The following SLC35F3 variants were observed in gnomAD, a reference collection of about 807,000 sequenced individuals.
SLC35F3 encodes putative thiamine transporter SLC35F3.
A neutral mutation model predicts 49.9 loss-of-function variants in SLC35F3; 25 were observed. The ratio of observed to expected loss-of-function variants is 0.50; its 90% confidence interval spans 0.37 to 0.70. The LOEUF is 0.70. Among genes scored for constraint, SLC35F3 ranks in the 30% least tolerant of loss-of-function variants. SLC35F3 has a pLI of 0.00. For missense variants in SLC35F3, 525 were observed against 639.8 expected, an observed-to-expected ratio of 0.82 and a Z score of 1.94; for synonymous variants, 275 against 265.4, an observed-to-expected ratio of 1.04 and a Z score of -0.35.
At chr1:234,151,585 C>T (rs1250959446) in intron 2 of SLC35F3, among the ~76,000 whole-genome samples, 2 of 149,898 alleles carry the variant, frequency 1.3e-5, no homozygotes, top group African/African-American at 4.9e-5. Context: ...GGAAAGAGTT[C>T]AAAATAAAAG....
intron 2 of SLC35F3, among the ~76,000 whole-genome samples, chr1:234,207,388 A>ATCCT (rs1666986200): frequency 2.4e-4 from 1 of 4,232 alleles, no homozygotes; most frequent in Non-Finnish European, 5.3e-4. Context: ...TTTTCCTTCC[A>ATCCT]TCCTTCCTTC....
At chr1:234,239,741 TGGG>T (rs1667525524) in intron 3 of SLC35F3, among the ~76,000 whole-genome samples, 2 of 152,232 alleles carry the variant, frequency 1.3e-5, no homozygotes, top group African/African-American at 2.4e-5. Flanking sequence ...TAGCCCATGC[TGGG>T]ACATTGTGAT....
At chr1:234,037,843 A>C (rs569195175) in intron 2 of SLC35F3, among the ~76,000 whole-genome samples, 21 of 152,296 alleles carry the variant, frequency 1.4e-4, no homozygotes, top group African/African-American at 4.8e-4. Context: ...ACAAGAAGGA[A>C]GCCCCTTTGC....
At chr1:233,975,925 G>A (rs538764664) in intron 2 of SLC35F3, among the ~76,000 whole-genome samples, 9 of 152,306 alleles carry the variant, frequency 5.9e-5, no homozygotes, top group South Asian at 2.1e-4. Context: ...GTGTACACAC[G>A]TATGGTGTGT....
At chr1:234,037,442 A>T (rs973568405) in intron 2 of SLC35F3, among the ~76,000 whole-genome samples, 1 of 152,226 alleles carries the variant, frequency 6.6e-6, no homozygotes, top group African/African-American at 2.4e-5. Context: ...TCACATTTTA[A>T]CATGAGATTT....
intron 3 of SLC35F3, among the ~76,000 whole-genome samples, chr1:234,304,518 A>G (rs1221647027): frequency 6.6e-6 from 1 of 152,170 alleles, no homozygotes; most frequent in Non-Finnish European, 1.5e-5. Flanking sequence ...TAGATACAAT[A>G]TCTTCTCTTA....
chr1:234,241,314 C>T (rs374324125), intron 3 of SLC35F3, among the ~76,000 whole-genome samples: 61 of 152,270 alleles, frequency 4.0e-4, no homozygotes, highest in African/African-American at 1.3e-3. Context: ...AATGAGACCA[C>T]GTGTGGAGGG....
intron 2 of SLC35F3, among the ~76,000 whole-genome samples, chr1:234,129,209 T>G (rs1665696996): frequency 6.6e-6 from 1 of 152,222 alleles, no homozygotes; most frequent in Non-Finnish European, 1.5e-5. Context: ...ATAGAGGATA[T>G]GCAGATGGCC....
chr1:234,165,430 C>G lies in SLC35F3; in HGVS notation c.284-65987C>G, dbSNP rs368370500. On this transcript the variant is annotated intron_variant, in intron 2 of 7. Transcript: ENST00000366618. ...ATTTTTTGTAGAGAGAGAAGGTCTC[C>G]CCTTTCAGTTGAATACAGTTGAATT... Among the ~76,000 whole-genome samples the G allele has an allele frequency of 5.3e-5, 8 of 152,192 alleles. No individual in the cohort carries two copies. The East Asian group carries it at 1.5e-3, about 29-fold the overall frequency.
chr1:234,320,669 G>A lies in SLC35F3; in HGVS notation c.1237+482G>A, dbSNP rs1657594525. ...GGTAGAAACATGCTGACAAGCTGAA[G>A]AAGCGTGAACGGCATTTTCCCTGAC... On this transcript the variant is annotated intron_variant, in intron 7 of 7. Coordinates refer to ENST00000366618, the MANE Select transcript of SLC35F3 (RefSeq NM_173508.4). The surrounding 1 kb of genome is among the most constrained non-coding windows in gnomAD (Gnocchi z 4.8). 6.6e-6 allele frequency among the ~76,000 whole-genome samples: 1 copy of A among 152,206 alleles called. No homozygotes were observed. Among genetic ancestry groups the A allele is most frequent in the African/African-American group, 2.4e-5 (1 of 41,452 alleles).
At chr1:233,949,862 C>A (rs1662575294) in intron 2 of SLC35F3, among the ~76,000 whole-genome samples, 1 of 152,054 alleles carries the variant, frequency 6.6e-6, no homozygotes. Context: ...TAGCAAGAAG[C>A]CAAAGTGAGA....
At chr1:233,923,175 T>G (rs1248588456) in intron 2 of SLC35F3, among the ~76,000 whole-genome samples, 2 of 152,222 alleles carry the variant, frequency 1.3e-5, no homozygotes, top group African/African-American at 2.4e-5. Flanking sequence ...TTTTTTCCAA[T>G]TCTGTGAAGA....
intron 2 of SLC35F3, among the ~76,000 whole-genome samples, chr1:234,099,773 A>ATAGC (rs1423984448): frequency 6.6e-6 from 1 of 152,202 alleles, no homozygotes; most frequent in Non-Finnish European, 1.5e-5. Context: ...ATGAGGTTGA[A>ATAGC]TAGCTACTGG....
At chr1:234,266,931 G>A (rs1667991600) in intron 3 of SLC35F3, among the ~76,000 whole-genome samples, 1 of 139,384 alleles carries the variant, frequency 7.2e-6, no homozygotes, top group African/African-American at 2.7e-5. Flanking sequence ...CGCAGAGGGG[G>A]ATTTGGCAGG....
At chr1:234,025,728 G>C (rs949498519) in intron 2 of SLC35F3, among the ~76,000 whole-genome samples, 3 of 152,056 alleles carry the variant, frequency 2.0e-5, no homozygotes, top group Non-Finnish European at 2.9e-5. Context: ...CCTTTGTAGG[G>C]TGCCATTTGT....
intron 2 of SLC35F3, among the ~76,000 whole-genome samples, chr1:234,154,813 C>T (rs965101994): frequency 6.6e-6 from 1 of 152,142 alleles, no homozygotes; most frequent in African/African-American, 2.4e-5. Context: ...ACCCAAGAGC[C>T]CTCCTTGATC....
At chr1:234,283,508 C>A (rs1668361906) in intron 3 of SLC35F3, among the ~76,000 whole-genome samples, 1 of 152,190 alleles carries the variant, frequency 6.6e-6, no homozygotes, top group African/African-American at 2.4e-5. Flanking sequence ...CACTGCAAAC[C>A]AAAAGATACT....
intron 2 of SLC35F3, among the ~76,000 whole-genome samples, chr1:233,985,915 T>C (rs2102824537): frequency 6.6e-6 from 1 of 152,318 alleles, no homozygotes; most frequent in Non-Finnish European, 1.5e-5. Flanking sequence ...TTAAGTGTCT[T>C]CCTTTGTAGT....
intron 3 of SLC35F3, among the ~76,000 whole-genome samples, chr1:234,281,721 C>A (rs1668329665): frequency 6.6e-6 from 1 of 152,180 alleles, no homozygotes; most frequent in African/African-American, 2.4e-5. Flanking sequence ...GACTAACCCA[C>A]ACCTCCAAGG....
Sources: gnomAD v4.1 joint callset for allele counts (sites outside exome capture counted in the v4.1 genomes callset) on GRCh38, gnomAD v4.1.1 for gene constraint, Gnocchi (gnomAD v3.1) non-coding constraint, MANE v1.5 for transcripts, NCBI Gene and HGNC (gene_info 2026-07-23, HGNC 2026-07-21) for gene names.